The following ADGRL2 variants were observed in gnomAD, a reference collection of about 807,000 sequenced individuals.
ADGRL2 encodes adhesion G protein-coupled receptor L2.
In ADGRL2, 44 loss-of-function variants were observed where a neutral mutation model predicts 157.4. That is an observed-to-expected ratio of 0.28 (90% CI 0.22 to 0.36). The LOEUF (loss-of-function observed/expected upper bound fraction) is 0.36. Ranked by LOEUF, ADGRL2 falls within the 10% of genes least tolerant of loss-of-function variation. The pLI is 1.00. For missense variants in ADGRL2, 1,510 were observed against 1,768.9 expected, an observed-to-expected ratio of 0.85 and a Z score of 2.63; for synonymous variants, 585 against 624.7, an observed-to-expected ratio of 0.94 and a Z score of 0.95.
At chr1:81,436,969 C>T (rs747352372) in intron 1 of ADGRL2, among the ~76,000 whole-genome samples, 3 of 152,190 alleles carry the variant, frequency 2.0e-5, no homozygotes, top group East Asian at 1.9e-4. Flanking sequence ...CCACTCCTTA[C>T]GATAGTAAAT....
At chr1:81,961,031 T>C (rs907726773) in intron 11 of ADGRL2, among the ~76,000 whole-genome samples, 8 of 152,166 alleles carry the variant, frequency 5.3e-5, no homozygotes, top group Non-Finnish European at 1.0e-4. Flanking sequence ...CTGGCAGAGG[T>C]CATAGTTCTT....
intron 3 of ADGRL2, among the ~76,000 whole-genome samples, chr1:81,680,710 A>T (rs1007928181): frequency 6.6e-6 from 1 of 152,084 alleles, no homozygotes; most frequent in African/African-American, 2.4e-5. Flanking sequence ...TTCAGAAAAA[A>T]AATTTTTTTT....
intron 1 of ADGRL2, among the ~76,000 whole-genome samples, chr1:81,748,620 A>AT (rs1459722593): frequency 1.3e-5 from 2 of 151,646 alleles, no homozygotes; most frequent in Admixed American, 6.6e-5. Context: ...TGAATGATAA[A>AT]TTTTTTTGTC....
chr1:81,315,809 G>C, intron 1 of ADGRL2, among the ~76,000 whole-genome samples: 1 of 151,872 alleles, frequency 6.6e-6, no homozygotes, highest in Middle Eastern at 3.2e-3. Context: ...AAATATGTCT[G>C]TCTGAAAGTA....
At chr1:81,598,182 TG>T (rs991673989) in intron 3 of ADGRL2, among the ~76,000 whole-genome samples, 7 of 152,112 alleles carry the variant, frequency 4.6e-5, no homozygotes, top group African/African-American at 1.7e-4. Flanking sequence ...AGGTGAATGA[TG>T]GGTGGGGTAG....
intron 3 of ADGRL2, among the ~76,000 whole-genome samples, chr1:81,657,387 C>T (rs1410989511): frequency 6.6e-6 from 1 of 152,178 alleles, no homozygotes; most frequent in Non-Finnish European, 1.5e-5. Context: ...GCAATTTGAT[C>T]TTGGACTTCG....
chr1:81,553,360 T>G (rs2080196926), intron 2 of ADGRL2, among the ~76,000 whole-genome samples: 1 of 152,162 alleles, frequency 6.6e-6, no homozygotes, highest in Non-Finnish European at 1.5e-5. Flanking sequence ...ACTTTTAGTA[T>G]CTCCCAAAGC....
At chr1:81,706,201 A>T (rs1230165152) in intron 1 of ADGRL2, among the ~76,000 whole-genome samples, 1 of 150,440 alleles carries the variant, frequency 6.6e-6, no homozygotes, top group African/African-American at 2.5e-5. Context: ...CCGTTTCAAA[A>T]AATAATAATA....
rs763838900 is a variant in ADGRL2 at position 81,907,112 on chromosome 1, A to G, written c.169A>G (p.Ile57Val). 3 of 1,614,144 alleles carry G rather than the reference A, an allele frequency of 1.9e-6. No individual in the cohort carries two copies. Among genetic ancestry groups the G allele is most frequent in the Non-Finnish European group, 2.5e-6 (3 of 1,180,006 alleles). The change falls in exon 3 of 24, where the codon ATC becomes GTC. Residue 57 changes from isoleucine to valine, a missense_variant. By Grantham distance (29) the Ile-to-Val change is conservative (BLOSUM62 3). This residue lies in a region of ADGRL2 where 361 missense variants were observed against 498.4 expected (regional missense o/e 0.72). Coordinates refer to ENST00000686636, the MANE Select transcript of ADGRL2 (RefSeq NM_001366006.2). Reference sequence around the variant, plus strand: ...TCTGCGATGCCCGGGCAGTGATGTCATCATGATTGAGAGCGCTAACTATGG... The same window carrying G: ...TCTGCGATGCCCGGGCAGTGATGTCGTCATGATTGAGAGCGCTAACTATGG... ...IDLRCPGSDV[I>V]MIESANYGRT... is the part of the protein sequence containing the mutation.
intron 1 of ADGRL2, among the ~76,000 whole-genome samples, chr1:81,337,713 T>G (rs1204731311): frequency 6.6e-6 from 1 of 152,188 alleles, no homozygotes; most frequent in African/African-American, 2.4e-5. Flanking sequence ...TCTACAGGAT[T>G]TGTAGACAAC....
intron 1 of ADGRL2, among the ~76,000 whole-genome samples, chr1:81,744,039 G>A (rs57997862): frequency 0.019 from 2,933 of 152,232 alleles, 42 homozygotes; most frequent in South Asian, 0.052. Context: ...ATGGTGGGAA[G>A]TGGGAAGCTA....
intron 3 of ADGRL2, among the ~76,000 whole-genome samples, chr1:81,656,591 T>A (rs557039631): frequency 1.3e-3 from 197 of 152,272 alleles, no homozygotes; most frequent in Non-Finnish European, 2.3e-3. Flanking sequence ...GCTAAGGTAA[T>A]TTTCACTCTG....
intron 2 of ADGRL2, among the ~76,000 whole-genome samples, chr1:81,793,655 G>T (rs1048268979): frequency 6.6e-6 from 1 of 151,864 alleles, no homozygotes; most frequent in African/African-American, 2.4e-5. Context: ...ATTCAATCTA[G>T]TATCTATTTT....
chr1:81,498,044 AAATAAT>A (rs1370962565), intron 2 of ADGRL2, among the ~76,000 whole-genome samples: 1 of 151,900 alleles, frequency 6.6e-6, no homozygotes, highest in African/African-American at 2.4e-5. Flanking sequence ...GTCTCTACTA[AAATAAT>A]AATAATAATA....
intron 3 of ADGRL2, among the ~76,000 whole-genome samples, chr1:81,678,848 G>T (rs2083049589): frequency 6.6e-6 from 1 of 152,160 alleles, no homozygotes; most frequent in African/African-American, 2.4e-5. Flanking sequence ...GTGTGCAAAG[G>T]TTAGAGGCAG....
intron 1 of ADGRL2, chr1:81,426,651 T>C: frequency 2.1e-6 from 1 of 470,416 alleles, no homozygotes; most frequent in South Asian, 1.6e-5. Flanking sequence ...GATTGTATGG[T>C]AATGAGACAC....
At chr1:81,414,201 T>C (rs144900270) in intron 1 of ADGRL2, 1 of 152,276 alleles carries the variant, frequency 6.6e-6, no homozygotes, top group East Asian at 1.9e-4. Context: ...CTTTAACTCC[T>C]GAAGACAGTA....
intron 3 of ADGRL2, among the ~76,000 whole-genome samples, chr1:81,630,264 C>G (rs957089564): frequency 1.3e-5 from 2 of 152,076 alleles, no homozygotes; most frequent in Non-Finnish European, 2.9e-5. Context: ...AGCCTCCCAG[C>G]CTTCTCCAGG....
At chr1:81,567,600 G>A (rs2080592152) in intron 2 of ADGRL2, among the ~76,000 whole-genome samples, 1 of 152,014 alleles carries the variant, frequency 6.6e-6, no homozygotes, top group South Asian at 2.1e-4. Context: ...AAGAAAATTA[G>A]GGGTGGAAAT....
Sources: gnomAD v4.1 joint callset for allele counts (sites outside exome capture counted in the v4.1 genomes callset) on GRCh38, gnomAD v4.1.1 for gene constraint, gnomAD v4.1.1 regional missense constraint, MANE v1.5 for transcripts, NCBI Gene and HGNC (gene_info 2026-07-23, HGNC 2026-07-21) for gene names.